Variants in FOCAD observed in about 807,000 individuals in gnomAD.
FOCAD encodes KIAA1797.
FOCAD carries 198 observed loss-of-function variants against 225.6 expected under a neutral mutation model. That is an observed-to-expected ratio of 0.88 (90% CI 0.78 to 0.99). The LOEUF is 0.99. Ranked by LOEUF, FOCAD falls within the 50% of genes least tolerant of loss-of-function variation. The pLI, the probability that FOCAD is intolerant of heterozygous loss-of-function variation, is 0.00. For missense variants in FOCAD, 2,713 were observed against 2,123.6 expected, an observed-to-expected ratio of 1.28 and a Z score of -5.46; for synonymous variants, 897 against 755.0, an observed-to-expected ratio of 1.19 and a Z score of -3.08.
intron 28 of FOCAD, among the ~76,000 whole-genome samples, chr9:20,943,112 G>T (rs533192561): frequency 6.6e-6 from 1 of 152,130 alleles, no homozygotes; most frequent in African/African-American, 2.4e-5. Flanking sequence ...AATAGCAAAG[G>T]CTTTACATTC....
chr9:20,874,633 A>G (rs1489455500), intron 18 of FOCAD, 48 bp from the exon 19 acceptor site: 5 of 1,571,830 alleles, frequency 3.2e-6, no homozygotes, highest in Non-Finnish European at 4.3e-6. Flanking sequence ...GATTTTGCAT[A>G]ATGTTTTATT....
At chr9:20,663,048 G>A (rs904842314) in intron 2 of FOCAD, among the ~76,000 whole-genome samples, 2 of 151,960 alleles carry the variant, frequency 1.3e-5, no homozygotes, top group Non-Finnish European at 2.9e-5. Context: ...TAAAACAAAA[G>A]GTTTTTTACT....
intron 15 of FOCAD, among the ~76,000 whole-genome samples, chr9:20,834,193 A>G (rs538071307): frequency 2.0e-5 from 3 of 152,000 alleles, no homozygotes; most frequent in Non-Finnish European, 2.9e-5. Flanking sequence ...GTAAACTAAC[A>G]CGGGAACAGA....
intron 7 of FOCAD, 43 bp from the exon 8 acceptor site, chr9:20,769,985 TTTGG>T (rs1444849069): frequency 1.2e-5 from 18 of 1,513,956 alleles, no homozygotes; most frequent in Non-Finnish European, 1.6e-5. Context: ...AAAATTATCT[TTTGG>T]TTTGTGTATT....
chr9:20,809,565 C>T (rs1253567451), intron 11 of FOCAD, among the ~76,000 whole-genome samples: 1 of 152,084 alleles, frequency 6.6e-6, no homozygotes, highest in African/African-American at 2.4e-5. Flanking sequence ...CAATCATTAT[C>T]TATGCTGTTT....
chr9:20,798,400 T>G (rs1216989424), intron 11 of FOCAD, among the ~76,000 whole-genome samples: 1 of 152,174 alleles, frequency 6.6e-6, no homozygotes, highest in Non-Finnish European at 1.5e-5. Flanking sequence ...TTCTATTGAT[T>G]GGAATAGTTT....
chr9:20,762,382 A>G (rs1166703648), intron 6 of FOCAD, among the ~76,000 whole-genome samples: 3 of 152,194 alleles, frequency 2.0e-5, no homozygotes, highest in Admixed American at 2.0e-4. Flanking sequence ...TTGTATAAGT[A>G]TTTGAGCTTA....
intron 11 of FOCAD, among the ~76,000 whole-genome samples, chr9:20,791,719 T>TA (rs1820557056): frequency 6.6e-6 from 1 of 152,204 alleles, no homozygotes; most frequent in South Asian, 2.1e-4. Context: ...CATGATGGGA[T>TA]AATGGGGCAC....
chr9:20,857,464 GA>G (rs1442874072), intron 15 of FOCAD, among the ~76,000 whole-genome samples: 1 of 151,822 alleles, frequency 6.6e-6, no homozygotes. Context: ...TGACTTTCCT[GA>G]GTTTAATGGT....
chr9:20,861,437 C>T (rs1033389023), intron 15 of FOCAD, among the ~76,000 whole-genome samples: 2 of 152,172 alleles, frequency 1.3e-5, no homozygotes, highest in African/African-American at 4.8e-5. Context: ...GTCTACAATA[C>T]TGCCCTTAGG....
At chr9:20,885,255 A>G (rs1831015155) in intron 21 of FOCAD, 25 bp downstream of exon 21, 1 of 1,428,714 alleles carries the variant, frequency 7.0e-7, no homozygotes, top group Non-Finnish European at 9.2e-7. Flanking sequence ...CCTCTTCTTT[A>G]TGTTTTAGTG....
intron 15 of FOCAD, 135 bp downstream of exon 15, chr9:20,823,250 G>T (rs1824519670): frequency 2.0e-6 from 2 of 978,700 alleles, no homozygotes. Context: ...TCTTGGAAAA[G>T]TGAAGCAAGA....
intron 11 of FOCAD, among the ~76,000 whole-genome samples, chr9:20,807,833 C>T (rs1418721493): frequency 6.6e-6 from 1 of 152,084 alleles, no homozygotes; most frequent in Admixed American, 6.6e-5. Flanking sequence ...GCGGATCACT[C>T]GAGGCCAGGA....
At chr9:20,985,662 T>C (rs1271365086) in intron 39 of FOCAD, among the ~76,000 whole-genome samples, 2 of 152,234 alleles carry the variant, frequency 1.3e-5, no homozygotes, top group Non-Finnish European at 2.9e-5. Flanking sequence ...TACCTGGGTA[T>C]GCAGCACAGT....
At chr9:20,995,120 A>C (rs565490389) in intron 43 of FOCAD, among the ~76,000 whole-genome samples, 3 of 152,238 alleles carry the variant, frequency 2.0e-5, no homozygotes, top group Non-Finnish European at 4.4e-5. Context: ...CATTGAGTAC[A>C]TGAACCTAAC....
intron 1 of FOCAD, among the ~76,000 whole-genome samples, chr9:20,691,165 A>G (rs1822952145): frequency 6.6e-6 from 1 of 151,838 alleles, no homozygotes; most frequent in Admixed American, 6.6e-5. Context: ...CTGGTCTTGA[A>G]CTCCTGACCT....
intron 28 of FOCAD, among the ~76,000 whole-genome samples, chr9:20,936,930 A>G (rs1445986571): frequency 1.3e-5 from 2 of 152,204 alleles, no homozygotes; most frequent in African/African-American, 2.4e-5. Flanking sequence ...TTTATACATC[A>G]ATAACAGACA....
chr9:20,702,963 T>C (rs1347004878), intron 1 of FOCAD, among the ~76,000 whole-genome samples: 1 of 152,080 alleles, frequency 6.6e-6, no homozygotes, highest in African/African-American at 2.4e-5. Context: ...GCTGAGATCG[T>C]GCCACTGCAT....
intron 1 of FOCAD, among the ~76,000 whole-genome samples, chr9:20,692,215 T>TACCTATAATCTTTCCTATTTC (rs1823019511): frequency 1.3e-5 from 2 of 152,180 alleles, no homozygotes; most frequent in African/African-American, 4.8e-5. Flanking sequence ...TTTCCTTTTT[T>TACCTATAATCTTTCCTATTTC]ACCTATAATC....
Sources: allele counts gnomAD v4.1 joint callset (sites outside exome capture counted in the v4.1 genomes callset), GRCh38; gene constraint gnomAD v4.1.1; transcripts MANE v1.5; gene names NCBI Gene and HGNC (gene_info 2026-07-23, HGNC 2026-07-21).